SPOCK1: variants seen among roughly 807,000 people sequenced by gnomAD.
SPOCK1 encodes the protein testican-1.
A neutral mutation model predicts 55.3 loss-of-function variants in SPOCK1; 23 were observed. The observed-to-expected ratio is 0.42, with a 90% CI of 0.30 to 0.59. SPOCK1 has a LOEUF of 0.59. SPOCK1 is among the 20% of genes least tolerant of loss of function. The pLI is 0.22. For synonymous variants in SPOCK1, 226 were observed against 221.0 expected (o/e 1.02, Z -0.20); for missense variants, 499 against 552.5 (o/e 0.90, Z 0.97).
At chr5:137,356,873 A>AGAGAGAGACAGT (rs796667572) in intron 2 of SPOCK1, among the ~76,000 whole-genome samples, 1 of 69,824 alleles carries the variant, frequency 1.4e-5, no homozygotes, top group Non-Finnish European at 2.7e-5. Flanking sequence ...AGAGAGAGAG[A>AGAGAGAGACAGT]GAGTATGCAG....
At chr5:137,193,305 G>T (rs924382800) in intron 3 of SPOCK1, among the ~76,000 whole-genome samples, 4 of 152,168 alleles carry the variant, frequency 2.6e-5, no homozygotes, top group African/African-American at 9.7e-5. Flanking sequence ...AGAAACCTGG[G>T]ATATGCCTGG....
chr5:137,065,554 CA>C (rs557797014), intron 6 of SPOCK1, among the ~76,000 whole-genome samples: 9 of 152,278 alleles, frequency 5.9e-5, no homozygotes, highest in Admixed American at 3.9e-4. Context: ...TTCATAAAAG[CA>C]AACTGTTGAC....
chr5:137,025,888 G>A (rs1751665184), intron 6 of SPOCK1, among the ~76,000 whole-genome samples: 1 of 152,172 alleles, frequency 6.6e-6, no homozygotes, highest in African/African-American at 2.4e-5. Flanking sequence ...CCTCCTTCTA[G>A]CTGCAGGAAG....
At position 137,391,084 on chromosome 5, in the gene SPOCK1, T is replaced by G. The variant is rs545214131; in HGVS notation, c.186+107289A>C. Among the ~76,000 whole-genome samples the G allele has an allele frequency of 3.8e-4, 58 of 151,872 alleles. 1 individual carries two copies. Among genetic ancestry groups the G allele is most frequent in the African/African-American group, 1.4e-3 (56 of 41,398 alleles). On this transcript the variant is annotated intron_variant, in intron 2 of 10. Transcript: ENST00000394945. ...CCCCCAACCCCCCAAGAGAACTGGG[T>G]GTGTGATGTCGCCCTCCCTGACGTT... is the stretch of plus-strand genomic sequence containing the variant.
chr5:137,063,239 CAAAAAAAA>C (rs34720226), intron 6 of SPOCK1, among the ~76,000 whole-genome samples: 1 of 100,278 alleles, frequency 1.0e-5, no homozygotes, highest in Non-Finnish European at 1.9e-5. Flanking sequence ...GACTCCATCT[CAAAAAAAA>C]AAAAAAAAAA....
At chr5:137,474,701 C>A (rs995017477) in intron 2 of SPOCK1, among the ~76,000 whole-genome samples, 1 of 152,110 alleles carries the variant, frequency 6.6e-6, no homozygotes, top group Non-Finnish European at 1.5e-5. Flanking sequence ...GGGCTCCCAT[C>A]GTCAGATTTG....
chr5:137,321,403 G>T (rs191637582), intron 2 of SPOCK1, among the ~76,000 whole-genome samples: 121 of 152,208 alleles, frequency 7.9e-4, no homozygotes, highest in African/African-American at 2.8e-3. Context: ...ACCCAAAAAA[G>T]TCCACACTGA....
At chr5:137,265,007 GA>G (rs1756821820) in intron 3 of SPOCK1, among the ~76,000 whole-genome samples, 2 of 152,180 alleles carry the variant, frequency 1.3e-5, no homozygotes, top group Non-Finnish European at 2.9e-5. Context: ...AATCTGAGCA[GA>G]CCCAGTTTTC....
intron 6 of SPOCK1, among the ~76,000 whole-genome samples, chr5:137,009,955 C>T (rs922631955): frequency 8.5e-5 from 13 of 152,142 alleles, no homozygotes; most frequent in Middle Eastern, 3.2e-3. Context: ...CACAGACCCT[C>T]TCTCTCTCAG....
intron 6 of SPOCK1, among the ~76,000 whole-genome samples, chr5:137,059,300 G>A (rs191674736): frequency 5.3e-5 from 8 of 152,292 alleles, no homozygotes; most frequent in South Asian, 2.1e-4. Context: ...ATGTACTTAC[G>A]TGAAAATATA....
chr5:137,153,659 G>C (rs1241980767), intron 3 of SPOCK1, among the ~76,000 whole-genome samples: 1 of 151,798 alleles, frequency 6.6e-6, no homozygotes, highest in African/African-American at 2.4e-5. Context: ...TTCAAGACCA[G>C]CCTGGGCAAC....
intron 6 of SPOCK1, among the ~76,000 whole-genome samples, chr5:137,040,133 G>C (rs1751966780): frequency 6.6e-6 from 1 of 152,236 alleles, no homozygotes; most frequent in Non-Finnish European, 1.5e-5. Context: ...GTGCCCACTA[G>C]GTGGTGATGC....
chr5:137,041,534 C>T (rs1200578875), intron 6 of SPOCK1, among the ~76,000 whole-genome samples: 1 of 152,116 alleles, frequency 6.6e-6, no homozygotes, highest in Admixed American at 6.5e-5. Flanking sequence ...AAGCAAGCCA[C>T]AACCTCAATA....
At chr5:137,311,044 G>GA (rs572046023) in intron 2 of SPOCK1, among the ~76,000 whole-genome samples, 2 of 152,202 alleles carry the variant, frequency 1.3e-5, no homozygotes, top group Non-Finnish European at 2.9e-5. Context: ...AGGCCAGTCT[G>GA]AAAATCTATG....
chr5:137,019,323 CT>C (rs1751514204), intron 6 of SPOCK1, among the ~76,000 whole-genome samples: 1 of 152,084 alleles, frequency 6.6e-6, no homozygotes, highest in Non-Finnish European at 1.5e-5. Context: ...TTTTGCTATA[CT>C]TTTCCTAGTT....
chr5:137,030,201 G>A (rs974004046), intron 6 of SPOCK1, among the ~76,000 whole-genome samples: 1 of 152,236 alleles, frequency 6.6e-6, no homozygotes, highest in Non-Finnish European at 1.5e-5. Context: ...ATGAAGTAAT[G>A]TCCTGCCACT....
At chr5:137,318,792 T>C (rs935708335) in intron 2 of SPOCK1, among the ~76,000 whole-genome samples, 18 of 152,196 alleles carry the variant, frequency 1.2e-4, no homozygotes, top group African/African-American at 4.3e-4. Context: ...GAGCAGGCCC[T>C]CCTTAAACTT....
At chr5:137,293,809 G>A (rs570693984) in intron 2 of SPOCK1, among the ~76,000 whole-genome samples, 7 of 152,320 alleles carry the variant, frequency 4.6e-5, no homozygotes, top group African/African-American at 1.7e-4. Context: ...GAGGTCAGGA[G>A]ATCGAGACCA....
Position 137,121,654 on chromosome 5 carries a change from A to G in SPOCK1, c.348-9093T>C, listed in dbSNP as rs558108638. ...TTTATTACATATAGTGACATTAATTATATATAATATATAAAATTATATATT... is the reference window on the plus strand; with the variant it reads ...TTTATTACATATAGTGACATTAATTGTATATAATATATAAAATTATATATT... On this transcript the variant is annotated intron_variant, in intron 4 of 10. Coordinates refer to ENST00000394945, the MANE Select transcript of SPOCK1 (RefSeq NM_004598.4). Among the ~76,000 whole-genome samples, 11 of 146,602 alleles carry G rather than the reference A, an allele frequency of 7.5e-5. No homozygotes were observed. The East Asian group carries it at 2.2e-3, about 29-fold the overall frequency.
Sources: gnomAD v4.1 joint callset for allele counts (sites outside exome capture counted in the v4.1 genomes callset) on GRCh38, gnomAD v4.1.1 for gene constraint, MANE v1.5 for transcripts, NCBI Gene and HGNC (gene_info 2026-07-23, HGNC 2026-07-21) for gene names.